KALRN: variants seen among roughly 807,000 people sequenced by gnomAD.
KALRN encodes the protein kalirin.
In KALRN, 70 loss-of-function variants were observed where a neutral mutation model predicts 353.7. The observed-to-expected ratio is 0.20, with a 90% CI of 0.16 to 0.24. The LOEUF (loss-of-function observed/expected upper bound fraction) is 0.24. Ranked by LOEUF, KALRN falls within the 10% of genes least tolerant of loss-of-function variation. The probability of loss-of-function intolerance (pLI) is 1.00; values close to 1 mark genes in which losing one functional copy is unlikely to be tolerated. For missense variants in KALRN, 2,791 were observed against 3,756.7 expected (o/e 0.74, Z 6.72); for synonymous variants, 1,391 against 1,434.8 (o/e 0.97, Z 0.69).
chr3:124,434,287 T>C lies in KALRN; in HGVS notation c.2830-20T>C. The C allele has an allele frequency of 6.2e-7, 1 of 1,608,520 alleles. No homozygotes were observed. The highest frequency in any genetic ancestry group is 8.5e-7 in the Non-Finnish European group (1 of 1,176,846). On this transcript the variant is annotated intron_variant, in intron 16 of 59. Transcript: ENST00000682506. ...CCTGGGTTGTTCCCACGGACCTTTC[T>C]CTCCTCTCCTTGTGCCCAGTCCCTC...
At chr3:124,430,316 T>A (rs1364339646) in intron 15 of KALRN, among the ~76,000 whole-genome samples, 1 of 152,190 alleles carries the variant, frequency 6.6e-6, no homozygotes, top group Non-Finnish European at 1.5e-5. Flanking sequence ...ACAGATGGAA[T>A]TTATTTATTT....
chr3:124,311,459 C>CA (rs71145447), intron 6 of KALRN, among the ~76,000 whole-genome samples: 29,783 of 131,200 alleles, frequency 0.23, 3,001 homozygotes, highest in South Asian at 0.33. Flanking sequence ...AGCAAGACTC[C>CA]AAAAAAAAAA....
chr3:124,056,604 T>C (rs1421981864), intron 1 of KALRN, among the ~76,000 whole-genome samples: 1 of 152,204 alleles, frequency 6.6e-6, no homozygotes, highest in East Asian at 1.9e-4. Context: ...TTATCTCAAC[T>C]CTGGGAAAAT....
chr3:124,153,878 G>A (rs1213791514), intron 1 of KALRN, among the ~76,000 whole-genome samples: 1 of 151,958 alleles, frequency 6.6e-6, no homozygotes, highest in East Asian at 1.9e-4. Flanking sequence ...GTGATGATGA[G>A]CATTTTTTCA....
At chr3:124,390,802 C>T (rs2150012574) in intron 11 of KALRN, among the ~76,000 whole-genome samples, 1 of 152,274 alleles carries the variant, frequency 6.6e-6, no homozygotes, top group East Asian at 1.9e-4. Context: ...CTTTCCTTAA[C>T]CACTCATCCG....
At chr3:124,656,230 G>C (rs1295892395) in intron 39 of KALRN, among the ~76,000 whole-genome samples, 2 of 150,296 alleles carry the variant, frequency 1.3e-5, no homozygotes, top group African/African-American at 4.9e-5. Flanking sequence ...TAGACACTTG[G>C]ATGAAAAAAA....
intron 33 of KALRN, among the ~76,000 whole-genome samples, chr3:124,554,701 G>C (rs1380534176): frequency 6.6e-6 from 1 of 152,104 alleles, no homozygotes; most frequent in Non-Finnish European, 1.5e-5. Flanking sequence ...TTTCTGAAAA[G>C]TCTGGTAATC....
intron 33 of KALRN, among the ~76,000 whole-genome samples, chr3:124,521,725 G>A (rs1329668013): frequency 1.3e-5 from 2 of 152,062 alleles, no homozygotes; most frequent in African/African-American, 4.8e-5. Context: ...GAGTTATCTC[G>A]GAGCCCAGAG....
At chr3:124,477,935 G>C (rs2108109541) in intron 27 of KALRN, among the ~76,000 whole-genome samples, 1 of 152,348 alleles carries the variant, frequency 6.6e-6, no homozygotes, top group South Asian at 2.1e-4. Flanking sequence ...TTTCTGGTGA[G>C]AGTGATGTGC....
intron 34 of KALRN, among the ~76,000 whole-genome samples, chr3:124,570,738 A>G (rs775748917): frequency 6.6e-6 from 1 of 152,240 alleles, no homozygotes; most frequent in Non-Finnish European, 1.5e-5. Context: ...ATAAAAAGTT[A>G]GAGTTGAAAC....
chr3:124,385,870 G>C (rs1185515567), intron 11 of KALRN, among the ~76,000 whole-genome samples: 1 of 152,010 alleles, frequency 6.6e-6, no homozygotes, highest in African/African-American at 2.4e-5. Context: ...CTTGGCAGAT[G>C]AACTCATTAG....
chr3:124,281,414 A>G (rs756509465), intron 5 of KALRN, among the ~76,000 whole-genome samples: 7 of 152,188 alleles, frequency 4.6e-5, no homozygotes, highest in Non-Finnish European at 1.0e-4. Flanking sequence ...GAGGGGGTAC[A>G]AACATGAGGG....
intron 28 of KALRN, among the ~76,000 whole-genome samples, chr3:124,486,883 A>G (rs996607297): frequency 2.0e-5 from 3 of 152,214 alleles, no homozygotes; most frequent in African/African-American, 7.2e-5. Flanking sequence ...CCAGAGAGCT[A>G]TGCCTCTAAA....
At chr3:124,267,266 G>A (rs2073669794) in intron 4 of KALRN, among the ~76,000 whole-genome samples, 1 of 152,174 alleles carries the variant, frequency 6.6e-6, no homozygotes, top group African/African-American at 2.4e-5. Flanking sequence ...AAATTTGAAG[G>A]AGAAAGTACT....
chr3:124,194,518 T>C (rs2150340277), intron 1 of KALRN, among the ~76,000 whole-genome samples: 1 of 152,312 alleles, frequency 6.6e-6, no homozygotes, highest in East Asian at 1.9e-4. Flanking sequence ...AAGAGTTCAA[T>C]CTTATTTCTT....
intron 34 of KALRN, among the ~76,000 whole-genome samples, chr3:124,599,860 T>A (rs2076629654): frequency 6.6e-6 from 1 of 152,224 alleles, no homozygotes; most frequent in Non-Finnish European, 1.5e-5. Context: ...ACTTACAGCT[T>A]CACCACCAAC....
chr3:124,418,808 T>C (rs1281814800), intron 14 of KALRN, among the ~76,000 whole-genome samples: 1 of 152,212 alleles, frequency 6.6e-6, no homozygotes, highest in East Asian at 1.9e-4. Context: ...GTACTGTCTT[T>C]TCCAGTGGTT....
At chr3:124,533,216 T>C (rs2109192639) in intron 33 of KALRN, among the ~76,000 whole-genome samples, 1 of 151,904 alleles carries the variant, frequency 6.6e-6, no homozygotes, top group South Asian at 2.1e-4. Context: ...CAGCAAGACC[T>C]CATCTCTACT....
chr3:124,558,198 A>T (rs1276159214), intron 33 of KALRN, among the ~76,000 whole-genome samples: 2 of 152,202 alleles, frequency 1.3e-5, no homozygotes, highest in African/African-American at 4.8e-5. Context: ...ACCAAACAAC[A>T]TGCCATCAAA....
Sources: gnomAD v4.1 joint callset for allele counts (sites outside exome capture counted in the v4.1 genomes callset) on GRCh38, gnomAD v4.1.1 for gene constraint, MANE v1.5 for transcripts, NCBI Gene and HGNC (gene_info 2026-07-23, HGNC 2026-07-21) for gene names.